The following ST8SIA4 variants were observed in gnomAD, a reference collection of about 807,000 sequenced individuals.
ST8SIA4 encodes CMP-N-acetylneuraminate-poly-alpha-2,8-sialyltransferase.
ST8SIA4 carries 15 observed loss-of-function variants against 33.9 expected under a neutral mutation model. The observed-to-expected ratio is 0.44, with a 90% CI of 0.30 to 0.68. The LOEUF (loss-of-function observed/expected upper bound fraction) is 0.68. Ranked by LOEUF, ST8SIA4 falls within the 30% of genes least tolerant of loss-of-function variation. ST8SIA4 has a pLI of 0.10. For synonymous variants in ST8SIA4, 171 were observed against 151.2 expected, an observed-to-expected ratio of 1.13 and a Z score of -0.96; for missense variants, 321 against 428.0, an observed-to-expected ratio of 0.75 and a Z score of 2.21.
intron 2 of ST8SIA4, among the ~76,000 whole-genome samples, chr5:100,888,779 G>A (rs968662209): frequency 6.6e-6 from 1 of 151,780 alleles, no homozygotes; most frequent in African/African-American, 2.4e-5. Flanking sequence ...ATTTTGATTT[G>A]CTCTAAATAT....
chr5:100,844,790 T>G (rs1018836858), intron 4 of ST8SIA4, among the ~76,000 whole-genome samples: 1 of 151,982 alleles, frequency 6.6e-6, no homozygotes, highest in Non-Finnish European at 1.5e-5. Context: ...AAAATAAGTT[T>G]ATAGCTAAAG....
chr5:100,833,982 A>G (rs1301075347), intron 4 of ST8SIA4, among the ~76,000 whole-genome samples: 1 of 152,186 alleles, frequency 6.6e-6, no homozygotes, highest in Non-Finnish European at 1.5e-5. Context: ...GGCACCTAGA[A>G]TATGTTCAAT....
chr5:100,840,823 A>G (rs1221744119), intron 4 of ST8SIA4, among the ~76,000 whole-genome samples: 1 of 149,276 alleles, frequency 6.7e-6, no homozygotes, highest in African/African-American at 2.5e-5. Flanking sequence ...CTTATTACAT[A>G]TATTCCAAAC....
intron 4 of ST8SIA4, chr5:100,849,049 T>G: frequency 1.2e-6 from 1 of 812,086 alleles, no homozygotes; most frequent in Non-Finnish European, 1.5e-6. Flanking sequence ...AAAATGACTT[T>G]AAAGAAGAAA....
intron 3 of ST8SIA4, among the ~76,000 whole-genome samples, chr5:100,861,303 G>A (rs1279703193): frequency 1.3e-5 from 2 of 151,998 alleles, no homozygotes; most frequent in South Asian, 2.1e-4. Context: ...CTAAACAGAA[G>A]AGGAAATTTT....
intron 3 of ST8SIA4, among the ~76,000 whole-genome samples, chr5:100,881,165 C>G (rs1011305434): frequency 6.6e-6 from 1 of 152,132 alleles, no homozygotes; most frequent in Admixed American, 6.5e-5. Context: ...GAAAAATCCA[C>G]GGTGATGTTC....
rs763607081 is a variant in ST8SIA4 at position 100,856,251 on chromosome 5, T to C, written c.649A>G (p.Met217Val). 58 of 1,614,004 alleles carry C rather than the reference T, an allele frequency of 3.6e-5. No homozygotes were observed. Among genetic ancestry groups the C allele is most frequent in the Non-Finnish European group, 4.7e-5 (55 of 1,179,988 alleles). The change falls in exon 4 of 5, where the codon ATG becomes GTG. Residue 217 changes from methionine (M) to valine (V), a missense_variant. Transcript: ENST00000231461. ...DREKFVHRLSMLNDSVLWIPA... is the reference protein window; with the variant it reads ...DREKFVHRLSVLNDSVLWIPA... ...ATCCAAAGGACACTGTCATTCAGCA[T>C]GGAAAGTCTATGCACAAATTTTTCT...
intron 2 of ST8SIA4, among the ~76,000 whole-genome samples, chr5:100,889,406 G>C (rs768425608): frequency 1.2e-4 from 18 of 151,848 alleles, no homozygotes; most frequent in Non-Finnish European, 2.4e-4. Flanking sequence ...ATTTGAAGAT[G>C]TACACTCCCA....
At chr5:100,894,884 T>C (rs1223835972) in intron 2 of ST8SIA4, among the ~76,000 whole-genome samples, 1 of 152,112 alleles carries the variant, frequency 6.6e-6, no homozygotes, top group African/African-American at 2.4e-5. Context: ...ATAACGAATG[T>C]ATTCTTTCAC....
intron 4 of ST8SIA4, among the ~76,000 whole-genome samples, chr5:100,819,500 C>T (rs895649038): frequency 2.0e-5 from 3 of 152,206 alleles, no homozygotes; most frequent in Admixed American, 6.5e-5. Context: ...ATATTACCAT[C>T]ATGGCTGATT....
chr5:100,875,678 G>T (rs1752289523), intron 3 of ST8SIA4, among the ~76,000 whole-genome samples: 1 of 152,120 alleles, frequency 6.6e-6, no homozygotes, highest in African/African-American at 2.4e-5. Flanking sequence ...ACTGGCTCTT[G>T]GTTGGTCCTC....
At chr5:100,829,756 A>C (rs962999902) in intron 4 of ST8SIA4, among the ~76,000 whole-genome samples, 7 of 152,076 alleles carry the variant, frequency 4.6e-5, no homozygotes, top group African/African-American at 1.7e-4. Context: ...AAAAATACAA[A>C]AATTAGCCGG....
intron 3 of ST8SIA4, among the ~76,000 whole-genome samples, chr5:100,882,032 A>G (rs564621115): frequency 5.9e-5 from 9 of 152,308 alleles, no homozygotes; most frequent in African/African-American, 1.9e-4. Context: ...GTGTTGCTGA[A>G]AAGATACTCA....
chr5:100,901,033 A>G (rs972564677), intron 1 of ST8SIA4, among the ~76,000 whole-genome samples: 2 of 152,220 alleles, frequency 1.3e-5, no homozygotes, highest in Non-Finnish European at 2.9e-5. Context: ...CCGCCGCGCC[A>G]GTGCCCGCCT....
At chr5:100,864,384 C>A (rs1752016154) in intron 3 of ST8SIA4, among the ~76,000 whole-genome samples, 1 of 151,730 alleles carries the variant, frequency 6.6e-6, no homozygotes, top group South Asian at 2.1e-4. Context: ...ACTATCCTGG[C>A]TAACATGGTG....
At chr5:100,890,106 T>C (rs1383504574) in intron 2 of ST8SIA4, among the ~76,000 whole-genome samples, 2 of 151,886 alleles carry the variant, frequency 1.3e-5, no homozygotes, top group Non-Finnish European at 2.9e-5. Flanking sequence ...AGATTCCATT[T>C]ATAGGATCCA....
chr5:100,808,230 C>T lies in ST8SIA4; in HGVS notation c.*3617G>A, dbSNP rs1750734158. 6.6e-6 allele frequency: 1 copy of T among 152,602 alleles called. No homozygotes were observed. The highest frequency in any genetic ancestry group is 1.5e-5 in the Non-Finnish European group (1 of 68,010). 9.5% of individuals were successfully genotyped at this position (152,602 alleles called of 1,614,324 possible). On this transcript the variant is annotated 3_prime_UTR_variant, in exon 5 of 5. Coordinates refer to ENST00000231461, the MANE Select transcript of ST8SIA4 (RefSeq NM_005668.6). ...TAATTGGTATGTACACTACCCCTAG[C>T]ATTACTTAAATAAATTGCTTTTGTA...
intron 3 of ST8SIA4, chr5:100,885,637 A>G: frequency 1.1e-6 from 1 of 938,720 alleles, no homozygotes; most frequent in African/African-American, 1.8e-5. Context: ...AACTGTACAG[A>G]TATAAAAATT....
intron 3 of ST8SIA4, among the ~76,000 whole-genome samples, chr5:100,857,982 T>A (rs1226881528): frequency 6.6e-6 from 1 of 152,026 alleles, no homozygotes; most frequent in Non-Finnish European, 1.5e-5. Context: ...ATACCACTAA[T>A]TATTATTAGA....
Sources: allele counts gnomAD v4.1 joint callset (sites outside exome capture counted in the v4.1 genomes callset), GRCh38; gene constraint gnomAD v4.1.1; transcripts MANE v1.5; gene names NCBI Gene and HGNC (gene_info 2026-07-23, HGNC 2026-07-21).